The following EMSY variants were observed in gnomAD, a reference collection of about 807,000 sequenced individuals.
EMSY encodes EMSY transcriptional repressor, BRCA2 interacting.
EMSY carries 26 observed loss-of-function variants against 134.6 expected under a neutral mutation model. The ratio of observed to expected loss-of-function variants is 0.19; its 90% CI spans 0.14 to 0.27. The LOEUF is 0.27. Among genes scored for constraint, EMSY ranks in the 10% least tolerant of loss-of-function variants. The pLI is 1.00. For synonymous variants in EMSY, 579 were observed against 577.8 expected, an observed-to-expected ratio of 1.00 and a Z score of -0.03; for missense variants, 1,305 against 1,611.4, an observed-to-expected ratio of 0.81 and a Z score of 3.26.
chr11:76,540,306 T>A (rs1288331475), intron 17 of EMSY, among the ~76,000 whole-genome samples: 1 of 152,186 alleles, frequency 6.6e-6, no homozygotes, highest in Non-Finnish European at 1.5e-5. Flanking sequence ...TTTGCTTAAT[T>A]TTAATATTAT....
intron 9 of EMSY, among the ~76,000 whole-genome samples, chr11:76,503,917 T>C (rs970228195): frequency 1.1e-4 from 17 of 151,728 alleles, no homozygotes; most frequent in African/African-American, 4.1e-4. Context: ...CCCGAGTAGC[T>C]GGGATTACAG....
chr11:76,510,569 G>A (rs1406476459), intron 9 of EMSY, among the ~76,000 whole-genome samples: 1 of 152,270 alleles, frequency 6.6e-6, no homozygotes, highest in Non-Finnish European at 1.5e-5. Flanking sequence ...CTCGCTTGGT[G>A]GTGGAGTCAC....
chr11:76,449,580 G>T (rs944447855), intron 2 of EMSY, among the ~76,000 whole-genome samples: 1 of 151,350 alleles, frequency 6.6e-6, no homozygotes, highest in African/African-American at 2.4e-5. Context: ...TCTTTTTATG[G>T]CATTGCCATT....
chr11:76,454,868 C>A, intron 4 of EMSY, 78 bp downstream of exon 5: 1 of 1,050,036 alleles, frequency 9.5e-7, no homozygotes, highest in Non-Finnish European at 1.3e-6. Flanking sequence ...TATTCAGGGG[C>A]ACATTATTCC....
intron 8 of EMSY, among the ~76,000 whole-genome samples, chr11:76,487,831 A>C (rs1949250675): frequency 6.6e-6 from 1 of 152,262 alleles, no homozygotes; most frequent in Admixed American, 6.5e-5. Flanking sequence ...AAAAGATTCA[A>C]AATATGAAAC....
chr11:76,526,554 A>G (rs2136335841), exon 13 of EMSY: 1 of 1,613,882 alleles, frequency 6.2e-7, no homozygotes, highest in Non-Finnish European at 8.5e-7. Context: ...TAACGCAGCC[A>G]AAAGGAATAG....
intron 4 of EMSY, 77 bp downstream of exon 5, chr11:76,454,867 G>T (rs1458865700): frequency 5.6e-6 from 6 of 1,075,468 alleles, no homozygotes; most frequent in African/African-American, 1.6e-5. Flanking sequence ...TTATTCAGGG[G>T]CACATTATTC....
At chr11:76,534,155 T>TAAA (rs1729174637) in intron 14 of EMSY, among the ~76,000 whole-genome samples, 2 of 152,204 alleles carry the variant, frequency 1.3e-5, no homozygotes, top group South Asian at 4.1e-4. Flanking sequence ...CTTATCTCTA[T>TAAA]AAACACAATC....
chr11:76,530,581 A>C (rs1360876503), intron 14 of EMSY, among the ~76,000 whole-genome samples: 1 of 152,214 alleles, frequency 6.6e-6, no homozygotes, highest in East Asian at 1.9e-4. Flanking sequence ...TTACTTTTGC[A>C]CCAACCTAAT....
At chr11:76,521,549 G>A (rs576337728) in intron 11 of EMSY, among the ~76,000 whole-genome samples, 1 of 152,020 alleles carries the variant, frequency 6.6e-6, no homozygotes, top group African/African-American at 2.4e-5. Context: ...GATCCCTTGA[G>A]GCCAGGAGTT....
At chr11:76,528,206 G>A in intron 13 of EMSY, 62 bp from the exon 15 acceptor site, 1 of 1,442,482 alleles carries the variant, frequency 6.9e-7, no homozygotes, top group Non-Finnish European at 9.7e-7. Flanking sequence ...TGACCTAGAA[G>A]TTTAGCATTT....
intron 18 of EMSY, among the ~76,000 whole-genome samples, chr11:76,543,394 G>A (rs1350816532): frequency 6.6e-6 from 1 of 152,240 alleles, no homozygotes; most frequent in Non-Finnish European, 1.5e-5. Flanking sequence ...GGAGGATGGG[G>A]ATAGGGTGGA....
chr11:76,492,200 G>A (rs1310173397), intron 8 of EMSY, among the ~76,000 whole-genome samples: 4 of 152,162 alleles, frequency 2.6e-5, no homozygotes, highest in East Asian at 1.9e-4. Flanking sequence ...CTGGCTGGGC[G>A]CAGTGGCTCA....
chr11:76,506,319 A>G (rs1950074701), intron 9 of EMSY, among the ~76,000 whole-genome samples: 2 of 152,330 alleles, frequency 1.3e-5, no homozygotes, highest in South Asian at 2.1e-4. Flanking sequence ...TTTAAATTCC[A>G]AAAGACTTAA....
At chr11:76,451,389 T>C (rs1308188692) in intron 2 of EMSY, among the ~76,000 whole-genome samples, 1 of 152,236 alleles carries the variant, frequency 6.6e-6, no homozygotes, top group African/African-American at 2.4e-5. Flanking sequence ...TCCAATATTT[T>C]TTCCATTGCA....
intron 8 of EMSY, among the ~76,000 whole-genome samples, chr11:76,492,374 T>C (rs549639257): frequency 1.1e-3 from 169 of 152,280 alleles, no homozygotes; most frequent in African/African-American, 4.0e-3. Flanking sequence ...ATCGGGAGTC[T>C]GAGGCAGGAG....
intron 7 of EMSY, among the ~76,000 whole-genome samples, chr11:76,466,115 C>G (rs181943812): frequency 6.6e-6 from 1 of 152,304 alleles, no homozygotes; most frequent in East Asian, 1.9e-4. Flanking sequence ...ACCTGGCCCC[C>G]CAGATGTGCC....
Position 76,523,014 on chromosome 11 carries a change from T to G in EMSY, c.1685-141T>G, listed in dbSNP as rs146634091. ...GACTTATAACTTACTATTCCAAGCCTTCATTTTCATCATCTTGACAGCTTT... is the reference window on the plus strand; with the variant it reads ...GACTTATAACTTACTATTCCAAGCCGTCATTTTCATCATCTTGACAGCTTT... On this transcript the variant is annotated intron_variant, in intron 11 of 20. Transcript: ENST00000334736. 7 of 792,764 alleles carry G rather than the reference T, an allele frequency of 8.8e-6. No individual in the cohort carries two copies. In the East Asian group the frequency reaches 2.0e-4, roughly 23 times the overall value. The allele number at this position is 792,764 out of a possible 1,614,324, so 49.1% of individuals were successfully genotyped here. A position where few individuals can be genotyped will look rare whatever the true frequency, so the allele number is the denominator to read the frequency against.
intron 7 of EMSY, among the ~76,000 whole-genome samples, chr11:76,470,966 C>A (rs952892521): frequency 3.9e-5 from 6 of 152,102 alleles, no homozygotes; most frequent in African/African-American, 1.4e-4. Context: ...GTTATACTGG[C>A]AAAACCTTGA....
Sources: allele counts gnomAD v4.1 joint callset (sites outside exome capture counted in the v4.1 genomes callset), GRCh38; gene constraint gnomAD v4.1.1; transcripts MANE v1.5; gene names NCBI Gene and HGNC (gene_info 2026-07-23, HGNC 2026-07-21).